The following CASP8 variants were observed in gnomAD, a reference collection of about 807,000 sequenced individuals.
The protein encoded by CASP8 is caspase-8.
A neutral mutation model predicts 46.3 loss-of-function variants in CASP8; 24 were observed. That is an observed-to-expected ratio of 0.52 (90% confidence interval 0.38 to 0.73). The LOEUF is 0.73. Ranked by LOEUF, CASP8 falls within the 30% of genes least tolerant of loss-of-function variation. The probability of loss-of-function intolerance (pLI) is 0.00; values close to 1 mark genes in which losing one functional copy is unlikely to be tolerated. For synonymous variants in CASP8, 188 were observed against 200.4 expected (o/e 0.94, Z 0.52); for missense variants, 460 against 559.0 (o/e 0.82, Z 1.79).
chr2:201,272,706 G>GA lies in CASP8; in HGVS notation c.484dup (p.Arg162LysfsTer18). 6.2e-7 allele frequency: 1 copy of GA among 1,614,140 alleles called. No individual in the cohort carries two copies. Among genetic ancestry groups the GA allele is most frequent in the Non-Finnish European group, 8.5e-7 (1 of 1,179,994 alleles). On this transcript the variant is annotated frameshift_variant, in exon 4 of 9. Coordinates refer to ENST00000673742, the MANE Select transcript of CASP8 (RefSeq NM_001372051.1). LOFTEE classifies it high-confidence loss of function. The surrounding 1 kb of genome is among the most constrained non-coding windows in gnomAD (Gnocchi z 4.4). ...TGGGAGAAGGAAAGTTGGACATCCT[G>GA]AAAAGAGTCTGTGCCCAAATCAACA... is the stretch of plus-strand genomic sequence containing the variant.
At chr2:201,260,245 T>C (rs1418863140), upstream of CASP8, among the ~76,000 whole-genome samples, 1 of 152,110 alleles carries the variant, frequency 6.6e-6, no homozygotes, top group African/African-American at 2.4e-5. Context: ...AATGAAAGTG[T>C]TCTTAGTTAC....
At chr2:201,238,391 CAATGA>C (rs1229764331) in intron 2 of CASP8, among the ~76,000 whole-genome samples, 1 of 152,150 alleles carries the variant, frequency 6.6e-6, no homozygotes, top group Non-Finnish European at 1.5e-5. Flanking sequence ...GCGTAGGAAA[CAATGA>C]AACCCTGAAA....
chr2:201,258,310 C>G, upstream of CASP8: 1 of 1,614,108 alleles, frequency 6.2e-7, no homozygotes, highest in Non-Finnish European at 8.5e-7. Flanking sequence ...CACCCCCTTC[C>G]CTGCTGAGCA....
upstream of CASP8, chr2:201,260,422 C>A: frequency 2.4e-6 from 1 of 422,814 alleles, no homozygotes; most frequent in Non-Finnish European, 3.2e-6. Flanking sequence ...CTTTAGAAGG[C>A]ACTCTGCTCA....
intron 2 of CASP8, among the ~76,000 whole-genome samples, chr2:201,251,758 C>T (rs1946796721): frequency 6.6e-6 from 1 of 151,918 alleles, no homozygotes; most frequent in Admixed American, 6.6e-5. Flanking sequence ...CAAAAATTAG[C>T]TGGGCGTGGT....
chr2:201,284,913 A>G lies in CASP8; in HGVS notation c.900A>G (p.Gln300=). Residue 300 remains glutamine, a synonymous_variant, in exon 8 of 9, where the codon CAA becomes CAG. Coordinates refer to ENST00000673742, the MANE Select transcript of CASP8 (RefSeq NM_001372051.1). ...EQIYEILKIY[Q]LMDHSNMDCF... is the part of the protein sequence containing the mutation. ...TCTATGAGATTTTGAAAATCTACCA[A>G]CTCATGGACCACAGTAACATGGACT... 1 of 1,614,022 alleles carries G rather than the reference A, an allele frequency of 6.2e-7. No homozygotes were observed. The highest frequency in any genetic ancestry group is 8.5e-7 in the Non-Finnish European group (1 of 1,180,002).
intron 2 of CASP8, among the ~76,000 whole-genome samples, chr2:201,267,335 A>G (rs1345460988): frequency 6.6e-6 from 1 of 151,924 alleles, no homozygotes; most frequent in Non-Finnish European, 1.5e-5. Context: ...GCGGATGGCT[A>G]TGAAAATTTT....
intron 7 of CASP8, among the ~76,000 whole-genome samples, chr2:201,280,353 A>G (rs1948924787): frequency 6.6e-6 from 1 of 152,204 alleles, no homozygotes; most frequent in African/African-American, 2.4e-5. Flanking sequence ...GGGAAATGGA[A>G]CTTTCCAAGA....
In CASP8 at chr2:201,266,520, GA is replaced by G; in HGVS notation, c.36del (p.Glu12AspfsTer14). The G allele has an allele frequency of 6.2e-7, 1 of 1,614,076 alleles. No homozygotes were observed. The highest frequency in any genetic ancestry group is 8.5e-7 in the Non-Finnish European group (1 of 1,179,962). ...DFSRNLYDIG[E>X]QLDSEDLASL... ...CAGCAGAAATCTTTATGATATTGGGGAACAACTGGACAGTGAAGATCTGGCC... is the reference window on the plus strand; with the variant it reads ...CAGCAGAAATCTTTATGATATTGGGGACAACTGGACAGTGAAGATCTGGCC... On this transcript the variant is annotated frameshift_variant, in exon 2 of 9. Transcript: ENST00000673742. LOFTEE classifies it high-confidence loss of function. The surrounding 1 kb of genome is among the most constrained non-coding windows in gnomAD (Gnocchi z 5.7).
intron 2 of CASP8, among the ~76,000 whole-genome samples, chr2:201,267,752 T>C (rs1182456488): frequency 6.6e-6 from 1 of 152,228 alleles, no homozygotes; most frequent in African/African-American, 2.4e-5. Flanking sequence ...GAAGTCTTCG[T>C]TCTGGGCCCA....
chr2:201,258,415 C>T, upstream of CASP8: 5 of 1,613,206 alleles, frequency 3.1e-6, no homozygotes, highest in Non-Finnish European at 4.2e-6. Flanking sequence ...GCCTCTTCAA[C>T]AGGAAACCAC....
At chr2:201,236,987 T>A (rs971294134) in intron 2 of CASP8, among the ~76,000 whole-genome samples, 3 of 152,154 alleles carry the variant, frequency 2.0e-5, no homozygotes, top group Non-Finnish European at 4.4e-5. Flanking sequence ...CTGAATTAAA[T>A]CTTCGTAGTC....
intron 6 of CASP8, among the ~76,000 whole-genome samples, chr2:201,275,768 G>A (rs1258295462): frequency 6.6e-6 from 1 of 152,104 alleles, no homozygotes; most frequent in Admixed American, 6.5e-5. Flanking sequence ...TGAGACAGGG[G>A]TCTTGCTACG....
At position 201,266,888 on chromosome 2, in the gene CASP8, C is replaced by G; in HGVS notation, c.305+97C>G. The G allele has an allele frequency of 1.2e-6, 1 of 814,658 alleles. No individual in the cohort carries two copies. Among genetic ancestry groups the G allele is most frequent in the East Asian group, 2.6e-5 (1 of 37,872 alleles). 50.5% of individuals were successfully genotyped at this position (814,658 alleles called of 1,614,324 possible). A position where few individuals can be genotyped will look rare whatever the true frequency, so the allele number is the denominator to read the frequency against. Reference sequence around the variant, plus strand: ...TTTTTTTGTGGTACCCTGCCTAGTGCCTGGGAACCCAGCAGTGCCACAATT... The same window carrying G: ...TTTTTTTGTGGTACCCTGCCTAGTGGCTGGGAACCCAGCAGTGCCACAATT... On this transcript the variant is annotated intron_variant, in intron 2 of 8. Transcript: ENST00000673742. The surrounding 1 kb of genome is among the most constrained non-coding windows in gnomAD (Gnocchi z 5.7).
chr2:201,286,975 CT>C lies in CASP8; in HGVS notation c.*384del. On this transcript the variant is annotated 3_prime_UTR_variant, in exon 9 of 9. Coordinates refer to ENST00000673742, the MANE Select transcript of CASP8 (RefSeq NM_001372051.1). ...ATTTACTAATTTTCTAGATTTTCTA[CT>C]TTATTAATTGTTTTGCACTTTTTTA... 1 of 226,724 alleles carries C rather than the reference CT, an allele frequency of 4.4e-6. No homozygotes were observed. The highest frequency in any genetic ancestry group is 5.9e-5 in the South Asian group (1 of 16,864). 14.0% of individuals were successfully genotyped at this position (226,724 alleles called of 1,614,324 possible).
chr2:201,273,127 G>A (rs192863549), intron 5 of CASP8, among the ~76,000 whole-genome samples, 185 bp downstream of exon 5: 2 of 147,830 alleles, frequency 1.4e-5, no homozygotes, highest in Non-Finnish European at 3.0e-5. Flanking sequence ...GCACCATCTC[G>A]GCTCACTGCA....
chr2:201,243,811 G>C (rs1291626482), intron 2 of CASP8, among the ~76,000 whole-genome samples: 2 of 152,212 alleles, frequency 1.3e-5, no homozygotes, highest in Non-Finnish European at 2.9e-5. Flanking sequence ...GCATACAGGA[G>C]GCGATGGGCT....
At chr2:201,283,067 G>A (rs1184243787) in intron 7 of CASP8, among the ~76,000 whole-genome samples, 2 of 67,200 alleles carry the variant, frequency 3.0e-5, no homozygotes, top group Non-Finnish European at 7.5e-5. Context: ...CCCCCCTCCC[G>A]GACGGGGCGG....
intron 2 of CASP8, among the ~76,000 whole-genome samples, chr2:201,243,125 A>G (rs932042622): frequency 3.9e-5 from 6 of 152,214 alleles, no homozygotes; most frequent in Non-Finnish European, 8.8e-5. Context: ...TTAGTTAAGC[A>G]AGATGAGTAA....
Sources: gnomAD v4.1 joint callset for allele counts (sites outside exome capture counted in the v4.1 genomes callset) on GRCh38, gnomAD v4.1.1 for gene constraint, Gnocchi (gnomAD v3.1) non-coding constraint, MANE v1.5 for transcripts, NCBI Gene and HGNC (gene_info 2026-07-23, HGNC 2026-07-21) for gene names.